TERF2IP: variants seen among roughly 807,000 people sequenced by gnomAD.
TERF2IP encodes the protein TERF2 interacting protein.
Under a neutral mutation model 33.3 loss-of-function variants are expected in TERF2IP, and 35 were observed. The observed-to-expected ratio is 1.05, with a 90% CI of 0.80 to 1.39. The LOEUF (loss-of-function observed/expected upper bound fraction) is 1.39. TERF2IP is among the 40% of genes most tolerant of loss of function. The probability of loss-of-function intolerance (pLI) is 0.00; values close to 1 mark genes in which losing one functional copy is unlikely to be tolerated. For synonymous variants in TERF2IP, 253 were observed against 223.2 expected, an observed-to-expected ratio of 1.13 and a Z score of -1.19; for missense variants, 583 against 524.8, an observed-to-expected ratio of 1.11 and a Z score of -1.08.
chr16:75,652,812 A>G (rs1303976065), intron 1 of TERF2IP, among the ~76,000 whole-genome samples: 1 of 152,192 alleles, frequency 6.6e-6, no homozygotes, highest in Non-Finnish European at 1.5e-5. Context: ...TGTCACCACC[A>G]TCTGTATCTA....
rs1400829673 is a variant in TERF2IP at position 75,652,053 on chromosome 16, A to G, written c.671-2220A>G. Among the ~76,000 whole-genome samples, 3 of 152,228 alleles carry G rather than the reference A, an allele frequency of 2.0e-5. No homozygotes were observed. In the East Asian group the frequency reaches 5.8e-4, roughly 29 times the overall value. ...ATTTTGACAATATCTGATGACATTT[A>G]TAACGTATATTCCCTTAAACATGGC... is the stretch of plus-strand genomic sequence containing the variant. On this transcript the variant is annotated intron_variant, in intron 1 of 2. Coordinates refer to ENST00000300086, the MANE Select transcript of TERF2IP (RefSeq NM_018975.4).
At chr16:75,651,716 G>A (rs1486934202) in intron 1 of TERF2IP, among the ~76,000 whole-genome samples, 2 of 152,164 alleles carry the variant, frequency 1.3e-5, no homozygotes, top group Admixed American at 6.5e-5. Flanking sequence ...AAGAAAGAAA[G>A]TAAATCAGAC....
chr16:75,653,672 A>G (rs925695203), intron 1 of TERF2IP, among the ~76,000 whole-genome samples: 1 of 152,064 alleles, frequency 6.6e-6, no homozygotes, highest in African/African-American at 2.4e-5. Context: ...GCCTTGCCCA[A>G]ACTCCTGTCT....
At chr16:75,651,210 C>G (rs1408824140) in intron 1 of TERF2IP, among the ~76,000 whole-genome samples, 1 of 152,052 alleles carries the variant, frequency 6.6e-6, no homozygotes, top group Non-Finnish European at 1.5e-5. Flanking sequence ...GAAAAACATT[C>G]CCAATACACT....
Position 75,656,940 on chromosome 16 carries a change from G to T in TERF2IP, c.*329G>T. ...TTGCTATAGTAGTGACAAAGTGAAA[G>T]GAAATTTAGGAGGCATAGGCCATTT... On this transcript the variant is annotated 3_prime_UTR_variant, in exon 3 of 3. Transcript: ENST00000300086. 4.7e-6 allele frequency: 1 copy of T among 213,248 alleles called. No individual in the cohort carries two copies. Among genetic ancestry groups the T allele is most frequent in the Non-Finnish European group, 9.3e-6 (1 of 107,796 alleles). 13.2% of individuals were successfully genotyped at this position (213,248 alleles called of 1,614,324 possible).
At chr16:75,653,081 A>G (rs945292626) in intron 1 of TERF2IP, among the ~76,000 whole-genome samples, 1 of 152,182 alleles carries the variant, frequency 6.6e-6, no homozygotes. Context: ...ATATTGTAGC[A>G]TGTGTCAGAA....
chr16:75,655,990 T>C (rs1298313687), intron 2 of TERF2IP, among the ~76,000 whole-genome samples: 2 of 147,724 alleles, frequency 1.4e-5, no homozygotes, highest in African/African-American at 2.4e-5. Flanking sequence ...CACACACACG[T>C]GCACACACAC....
At chr16:75,649,979 T>C (rs2082335374) in intron 1 of TERF2IP, among the ~76,000 whole-genome samples, 1 of 152,338 alleles carries the variant, frequency 6.6e-6, no homozygotes, top group East Asian at 1.9e-4. Flanking sequence ...CCTGTATGAC[T>C]ACTCCATTTA....
chr16:75,648,937 C>T (rs902739155), intron 1 of TERF2IP, among the ~76,000 whole-genome samples: 2 of 151,852 alleles, frequency 1.3e-5, no homozygotes, highest in African/African-American at 2.4e-5. Flanking sequence ...TCACGACCTA[C>T]TGCATCCTGG....
intron 1 of TERF2IP, chr16:75,648,798 C>A: frequency 9.3e-7 from 1 of 1,074,292 alleles, no homozygotes. Context: ...AAGCGATCCT[C>A]CTGCCTCGGC....
At chr16:75,648,731 T>G (rs2082323725) in intron 1 of TERF2IP, 179 bp downstream of exon 1, 1 of 1,423,478 alleles carries the variant, frequency 7.0e-7, no homozygotes, top group Non-Finnish European at 9.2e-7. Context: ...TTGTTTATTA[T>G]TGTTCTTTTT....
chr16:75,655,073 G>A (rs1295990979), intron 2 of TERF2IP, among the ~76,000 whole-genome samples: 1 of 152,210 alleles, frequency 6.6e-6, no homozygotes, highest in Admixed American at 6.5e-5. Context: ...CTGGAGTGCA[G>A]TGGTGCCATC....
Position 75,656,466 on chromosome 16 carries a change from C to T in TERF2IP, c.1055C>T (p.Ser352Phe), listed in dbSNP as rs761568852. 3.7e-6 allele frequency: 6 copies of T among 1,614,066 alleles called. No homozygotes were observed. ...ELEATSAFLA[S>F]GQRADGYPIW... is the part of the protein sequence containing the mutation. ...GAGGCTACTTCCGCCTTCTTAGCGTCTGGTCAGAGAGCTGATGGATATCCC... is the reference window on the plus strand; with the variant it reads ...GAGGCTACTTCCGCCTTCTTAGCGTTTGGTCAGAGAGCTGATGGATATCCC... Residue 352 changes from serine to phenylalanine, a missense_variant, in exon 3 of 3, where the codon TCT becomes TTT. Transcript: ENST00000300086.
At chr16:75,648,978 C>T in intron 1 of TERF2IP, among the ~76,000 whole-genome samples, 1 of 152,094 alleles carries the variant, frequency 6.6e-6, no homozygotes, top group East Asian at 1.9e-4. Flanking sequence ...TCTCCGGCTT[C>T]AGCCTCCCAA....
chr16:75,651,089 A>T (rs1438311856), intron 1 of TERF2IP, among the ~76,000 whole-genome samples: 2 of 152,224 alleles, frequency 1.3e-5, no homozygotes, highest in Non-Finnish European at 2.9e-5. Flanking sequence ...AAGTAAAAAT[A>T]TTAGCATGGT....
At chr16:75,651,519 C>T (rs1471336212) in intron 1 of TERF2IP, among the ~76,000 whole-genome samples, 1 of 152,160 alleles carries the variant, frequency 6.6e-6, no homozygotes, top group Admixed American at 6.6e-5. Context: ...GAAACTCCGT[C>T]TCTACTAAAA....
intron 1 of TERF2IP, among the ~76,000 whole-genome samples, chr16:75,652,011 C>G (rs202178195): frequency 6.6e-6 from 1 of 152,122 alleles, no homozygotes; most frequent in African/African-American, 2.4e-5. Context: ...GAAATTGATA[C>G]AATTTCTTTG....
chr16:75,656,308 A>G lies in TERF2IP; in HGVS notation c.897A>G (p.Glu299=), dbSNP rs749075225. The stretch of plus-strand genomic sequence containing the variant: ...CAGAAACACAGCCTGATGAGGAGGA[A>G]GAAGAAGAAGAAGAAAAAGTTTCTC... ...EDSETQPDEE[E]EEEEEKVSQP... The change falls in exon 3 of 3, where the codon GAA becomes GAG. Residue 299 remains glutamate (E), a synonymous_variant. Transcript: ENST00000300086. 11 of 1,602,796 alleles carry G rather than the reference A, an allele frequency of 6.9e-6. No homozygotes were observed. Among genetic ancestry groups the G allele is most frequent in the Middle Eastern group, 1.7e-4 (1 of 6,044 alleles).
Position 75,656,621 on chromosome 16 carries a change from T to G in TERF2IP, c.*10T>G, listed in dbSNP as rs1264384699. Reference sequence around the variant, plus strand: ...ATTTCGAAAGAAATAATTGGCAAGATAATGAGAAAAGAAAAAAGTCATGGT... The same window carrying G: ...ATTTCGAAAGAAATAATTGGCAAGAGAATGAGAAAAGAAAAAAGTCATGGT... On this transcript the variant is annotated 3_prime_UTR_variant, in exon 3 of 3. Coordinates refer to ENST00000300086, the MANE Select transcript of TERF2IP (RefSeq NM_018975.4). 2 of 1,579,512 alleles carry G rather than the reference T, an allele frequency of 1.3e-6. No individual in the cohort carries two copies. Among genetic ancestry groups the G allele is most frequent in the Admixed American group, 1.9e-5 (1 of 53,046 alleles).
Sources: gnomAD v4.1 joint callset for allele counts (sites outside exome capture counted in the v4.1 genomes callset) on GRCh38, gnomAD v4.1.1 for gene constraint, MANE v1.5 for transcripts, NCBI Gene and HGNC (gene_info 2026-07-23, HGNC 2026-07-21) for gene names.